The following SDR42E1 variants were observed in gnomAD, a reference collection of about 807,000 sequenced individuals.
SDR42E1 encodes the protein short chain dehydrogenase/reductase family 42E, member 1, also known as short-chain dehydrogenase/reductase family 42E member 1.
In SDR42E1, 5 loss-of-function variants were observed where a neutral mutation model predicts 2.6. That is an observed-to-expected ratio of 1.94 (90% confidence interval 1.01 to 4.08). The LOEUF (loss-of-function observed/expected upper bound fraction) is 4.08, where lower values mean the gene tolerates loss of function less well. Ranked by LOEUF, SDR42E1 falls within the 30% of genes most tolerant of loss-of-function variation. The pLI, the probability that SDR42E1 is intolerant of heterozygous loss-of-function variation, is 0.00. For synonymous variants in SDR42E1, 231 were observed against 188.3 expected (o/e 1.23, Z -1.86); for missense variants, 596 against 478.6 (o/e 1.25, Z -2.29).
At position 82,000,847 on chromosome 16, in the gene SDR42E1, T is replaced by C. The variant is rs944699591; in HGVS notation, c.12A>G (p.Lys4=). MDP[K]RSQKESVLIT... Reference sequence around the variant, plus strand: ...TGAGGACACTTTCCTTTTGAGATCTTTTGGGGTCCATATGTGGCAGTCAAA... The same window carrying C: ...TGAGGACACTTTCCTTTTGAGATCTCTTGGGGTCCATATGTGGCAGTCAAA... The change falls in exon 2 of 3, where the codon AAA becomes AAG. Residue 4 remains lysine (K), a synonymous_variant. Transcript: ENST00000328945. 6.2e-7 allele frequency: 1 copy of C among 1,613,782 alleles called. No homozygotes were observed. The highest frequency in any genetic ancestry group is 1.3e-5 in the African/African-American group (1 of 74,890).
At chr16:82,002,527 T>A (rs919554245) in intron 1 of SDR42E1, among the ~76,000 whole-genome samples, 1 of 152,216 alleles carries the variant, frequency 6.6e-6, no homozygotes, top group Non-Finnish European at 1.5e-5. Context: ...CTTTTAATAA[T>A]CTTACTAGGA....
rs961633290 is a variant in SDR42E1 at position 81,993,701 on chromosome 16, G to A, written c.*5410C>T. ...TCACCCCGTCAACAAGCATTTATTG[G>A]GCATATGAAGGGTACAGAAGTAGAA... On this transcript the variant is annotated 3_prime_UTR_variant, in exon 3 of 3. Coordinates refer to ENST00000328945, the MANE Select transcript of SDR42E1 (RefSeq NM_145168.3). The A allele has an allele frequency of 6.6e-6, 1 of 152,058 alleles. No individual in the cohort carries two copies. Among genetic ancestry groups the A allele is most frequent in the African/African-American group, 2.4e-5 (1 of 41,392 alleles). The allele number at this position is 152,058 out of a possible 1,614,324, so 9.4% of individuals were successfully genotyped here.
chr16:82,000,054 G>A lies in SDR42E1; in HGVS notation c.239C>T (p.Ala80Val), dbSNP rs779541472. ...CTCCCGCCCTGACATACCATAAGAGGCAATATGGAACACACAAGTGACGTC... is the reference window on the plus strand; with the variant it reads ...CTCCCGCCCTGACATACCATAAGAGACAATATGGAACACACAAGTGACGTC... Reference protein sequence around the residue: ...DADVTCVFHIASYGMSGREQL... With the variant: ...DADVTCVFHIVSYGMSGREQL... Residue 80 changes from alanine to valine, a missense_variant, in exon 3 of 3, where the codon GCC becomes GTC. Coordinates refer to ENST00000328945, the MANE Select transcript of SDR42E1 (RefSeq NM_145168.3). The A allele has an allele frequency of 2.0e-5, 32 of 1,614,084 alleles. No individual in the cohort carries two copies. In the Admixed American group the frequency reaches 3.0e-4, roughly 15 times the overall value.
rs1912365434 is a variant in SDR42E1, at chr16:81,988,868, A to C, written c.*10243T>G. 6.6e-6 allele frequency: 1 copy of C among 152,178 alleles called. No individual in the cohort carries two copies. Among genetic ancestry groups the C allele is most frequent in the Admixed American group, 6.5e-5 (1 of 15,286 alleles). The allele number at this position is 152,178 out of a possible 1,614,324, so 9.4% of individuals were successfully genotyped here. On this transcript the variant is annotated 3_prime_UTR_variant, in exon 3 of 3. Transcript: ENST00000328945. ...CTATACATAAGATTTTCTTTAGGTAATTTTTTATTAATATTTCAATGTTGG... is the reference window on the plus strand; with the variant it reads ...CTATACATAAGATTTTCTTTAGGTACTTTTTTATTAATATTTCAATGTTGG...
chr16:82,003,175 G>A (rs1424607032), intron 1 of SDR42E1, among the ~76,000 whole-genome samples: 2 of 152,164 alleles, frequency 1.3e-5, no homozygotes, highest in African/African-American at 2.4e-5. Flanking sequence ...TGGGGCAGAG[G>A]ATGGCTGATG....
Position 81,999,354 on chromosome 16 carries a change from G to A in SDR42E1, c.939C>T (p.Arg313=). 6.2e-7 allele frequency: 1 copy of A among 1,614,210 alleles called. No homozygotes were observed. The highest frequency in any genetic ancestry group is 1.6e-4 in the Middle Eastern group (1 of 6,062). The change falls in exon 3 of 3, where the codon CGC becomes CGT. Residue 313 remains arginine, a synonymous_variant. Coordinates refer to ENST00000328945, the MANE Select transcript of SDR42E1 (RefSeq NM_145168.3). ...RLYNFQPFLT[R]TEVYKTGVTH... is the part of the protein sequence containing the mutation. ...TGACACCAGTTTTGTAAACTTCAGT[G>A]CGAGTGAGGAAGGGCTGGAAGTTGT...
In SDR42E1 at chr16:81,991,696, C is replaced by T. The variant is rs555426204; in HGVS notation, c.*7415G>A. On this transcript the variant is annotated 3_prime_UTR_variant, in exon 3 of 3. Coordinates refer to ENST00000328945, the MANE Select transcript of SDR42E1 (RefSeq NM_145168.3). ...ACTGTACTCTAGCCTGGGTGACAGA[C>T]GAGACTCTATCAAAAAAAAAAAAAA... 8.7e-5 allele frequency: 12 copies of T among 138,470 alleles called. No individual in the cohort carries two copies. The highest frequency in any genetic ancestry group is 4.0e-4 in the East Asian group (2 of 4,960). The allele number at this position is 138,470 out of a possible 1,614,324, so 8.6% of individuals were successfully genotyped here.
At chr16:82,002,885 T>C (rs1341338850) in intron 1 of SDR42E1, among the ~76,000 whole-genome samples, 1 of 152,250 alleles carries the variant, frequency 6.6e-6, no homozygotes, top group African/African-American at 2.4e-5. Context: ...ATGTCATTCC[T>C]TGAGCTGCCC....
chr16:81,999,371 G>A lies in SDR42E1; in HGVS notation c.922C>T (p.Gln308Ter), dbSNP rs1018626871. Residue 308 changes from glutamine (Q) to a stop codon, truncating the protein, a stop_gained, in exon 3 of 3, where the codon CAG becomes TAG. Transcript: ENST00000328945. LOFTEE classifies it low-confidence loss of function (END_TRUNC). ...ACTTCAGTGCGAGTGAGGAAGGGCT[G>A]GAAGTTGTAGAGTCGACCCAAAATG... ...HFILGRLYNF[Q>*]PFLTRTEVYK... 11 of 1,614,108 alleles carry A rather than the reference G, an allele frequency of 6.8e-6. No homozygotes were observed. The Admixed American group carries it at 8.3e-5, about 12-fold the overall frequency.
At chr16:82,005,724 T>C (rs945678176) in intron 1 of SDR42E1, among the ~76,000 whole-genome samples, 1 of 152,178 alleles carries the variant, frequency 6.6e-6, no homozygotes, top group Non-Finnish European at 1.5e-5. Context: ...CCTTCCAAAA[T>C]GTGGCTTTGT....
rs1460791360 is a variant in SDR42E1, at chr16:81,991,389, T to C, written c.*7722A>G. 6.6e-6 allele frequency: 1 copy of C among 152,134 alleles called. No homozygotes were observed. The highest frequency in any genetic ancestry group is 1.5e-5 in the Non-Finnish European group (1 of 68,018). 9.4% of individuals were successfully genotyped at this position (152,134 alleles called of 1,614,324 possible). The stretch of plus-strand genomic sequence containing the variant: ...TCGAGTAACACTTAGCCTTGAATAA[T>C]GTCATGCTAACGTGATAAAACCACC... On this transcript the variant is annotated 3_prime_UTR_variant, in exon 3 of 3. Transcript: ENST00000328945.
Position 81,996,830 on chromosome 16 carries a change from C to A in SDR42E1, c.*2281G>T, listed in dbSNP as rs917503865. ...GGTTCCACGTTGGCCTCCAATGACA[C>A]CACCTCCTGGTATTCATATCCTTGT... On this transcript the variant is annotated 3_prime_UTR_variant, in exon 3 of 3. Transcript: ENST00000328945. 6.6e-6 allele frequency: 1 copy of A among 152,214 alleles called. No individual in the cohort carries two copies. Among genetic ancestry groups the A allele is most frequent in the Non-Finnish European group, 1.5e-5 (1 of 68,050 alleles). The allele number at this position is 152,214 out of a possible 1,614,324, so 9.4% of individuals were successfully genotyped here.
rs1177154792 is a variant in SDR42E1 at position 81,991,936 on chromosome 16, C to G, written c.*7175G>C. The G allele has an allele frequency of 2.6e-5, 4 of 152,052 alleles. No homozygotes were observed. Among genetic ancestry groups the G allele is most frequent in the Admixed American group, 2.0e-4 (3 of 15,262 alleles). The allele number at this position is 152,052 out of a possible 1,614,324, so 9.4% of individuals were successfully genotyped here. ...ATAAAGAAAGCCTCAGGTGGATCAC[C>G]TGAAGTCAGGAGTTTGAGACCAGCC... is the stretch of plus-strand genomic sequence containing the variant. On this transcript the variant is annotated 3_prime_UTR_variant, in exon 3 of 3. Transcript: ENST00000328945.
intron 2 of SDR42E1, 98 bp downstream of exon 2, chr16:82,000,692 TA>T (rs756096827): frequency 1.1e-6 from 1 of 879,792 alleles, no homozygotes; most frequent in Non-Finnish European, 1.8e-6. Context: ...GGTTTGACAT[TA>T]CACAAACAAG....
rs1453731119 is a variant in SDR42E1 at position 81,999,745 on chromosome 16, A to C, written c.548T>G (p.Leu183Arg). ...RGDGVLRTCA[L>R]RPAGIYGPGE... Reference sequence around the variant, plus strand: ...AGGCCCATAGATGCCAGCTGGCCTCAGAGCGCAGGTTCTTAAGACACCGTC... The same window carrying C: ...AGGCCCATAGATGCCAGCTGGCCTCCGAGCGCAGGTTCTTAAGACACCGTC... Residue 183 changes from leucine to arginine, a missense_variant, in exon 3 of 3, where the codon CTG becomes CGG. By Grantham distance (102) the Leu-to-Arg change is moderately radical. Transcript: ENST00000328945. 2 of 1,614,248 alleles carry C rather than the reference A, an allele frequency of 1.2e-6. No individual in the cohort carries two copies. The highest frequency in any genetic ancestry group is 1.7e-6 in the Non-Finnish European group (2 of 1,180,040).
At chr16:82,007,275 C>G (rs1023188132) in intron 1 of SDR42E1, among the ~76,000 whole-genome samples, 1 of 152,220 alleles carries the variant, frequency 6.6e-6, no homozygotes, top group Non-Finnish European at 1.5e-5. Flanking sequence ...TTCTTCTTCA[C>G]TAGGTCAGCA....
rs1193125447 is a variant in SDR42E1 at position 81,995,112 on chromosome 16, T to C, written c.*3999A>G. ...AGGTGGGAGCAGTTTGGGCATTACCTTTAGGTTCCAATACAGGGCTCCTTG... is the reference window on the plus strand; with the variant it reads ...AGGTGGGAGCAGTTTGGGCATTACCCTTAGGTTCCAATACAGGGCTCCTTG... On this transcript the variant is annotated 3_prime_UTR_variant, in exon 3 of 3. Transcript: ENST00000328945. 1 of 152,230 alleles carries C rather than the reference T, an allele frequency of 6.6e-6. No homozygotes were observed. Among genetic ancestry groups the C allele is most frequent in the Non-Finnish European group, 1.5e-5 (1 of 68,074 alleles). The allele number at this position is 152,230 out of a possible 1,614,324, so 9.4% of individuals were successfully genotyped here. A position where few individuals can be genotyped will look rare whatever the true frequency, so the allele number is the denominator to read the frequency against.
At chr16:82,001,378 A>T (rs1912753208) in intron 1 of SDR42E1, among the ~76,000 whole-genome samples, 1 of 152,078 alleles carries the variant, frequency 6.6e-6, no homozygotes, top group Admixed American at 6.5e-5. Flanking sequence ...CTATACTTAA[A>T]AAATATGTAT....
chr16:82,000,482 G>A (rs1372255195), intron 2 of SDR42E1: 6 of 635,864 alleles, frequency 9.4e-6, no homozygotes, highest in African/African-American at 7.4e-5. Flanking sequence ...CTTGGTTCTA[G>A]GGCCCACTAT....
Sources: allele counts gnomAD v4.1 joint callset (sites outside exome capture counted in the v4.1 genomes callset), GRCh38; gene constraint gnomAD v4.1.1; transcripts MANE v1.5; gene names NCBI Gene and HGNC (gene_info 2026-07-23, HGNC 2026-07-21).